TBC1D23: variants seen among roughly 807,000 people sequenced by gnomAD.
TBC1D23 encodes the protein HCV non-structural protein 4A-transactivated protein 1.
In TBC1D23, 55 loss-of-function variants were observed where a neutral mutation model predicts 91.4. The observed-to-expected ratio is 0.60, with a 90% confidence interval of 0.48 to 0.75. The LOEUF is 0.75. TBC1D23 is among the 30% of genes least tolerant of loss of function. The pLI is 0.00. For missense variants in TBC1D23, 725 were observed against 836.1 expected (o/e 0.87, Z 1.64); for synonymous variants, 289 against 281.0 (o/e 1.03, Z -0.28).
At chr3:100,262,232 C>A (rs2067517316) in intron 1 of TBC1D23, among the ~76,000 whole-genome samples, 1 of 151,958 alleles carries the variant, frequency 6.6e-6, no homozygotes, top group Non-Finnish European at 1.5e-5. Context: ...TAAAATTAAT[C>A]TTATTCTTTG....
At chr3:100,297,823 G>C in intron 8 of TBC1D23, 100 bp from the exon 9 acceptor site, 1 of 987,498 alleles carries the variant, frequency 1.0e-6, no homozygotes, top group Non-Finnish European at 1.5e-6. Context: ...CAACTCAAGA[G>C]TATTATAATT....
intron 9 of TBC1D23, 56 bp downstream of exon 9, chr3:100,298,101 C>G (rs1257520243): frequency 3.4e-6 from 5 of 1,490,210 alleles, no homozygotes; most frequent in Non-Finnish European, 4.6e-6. Context: ...TACAAGGAAC[C>G]AACTTCCTCC....
chr3:100,294,252 T>G (rs1276117360), intron 5 of TBC1D23, among the ~76,000 whole-genome samples: 1 of 151,844 alleles, frequency 6.6e-6, no homozygotes, highest in Non-Finnish European at 1.5e-5. Context: ...GTTATTTATT[T>G]TTTTTTGTGT....
intron 16 of TBC1D23, among the ~76,000 whole-genome samples, 189 bp downstream of exon 16, chr3:100,316,376 C>G (rs1404137264): frequency 1.3e-5 from 2 of 151,970 alleles, no homozygotes; most frequent in Non-Finnish European, 2.9e-5. Context: ...ATTAGAAATC[C>G]AAGCACCAAC....
intron 5 of TBC1D23, among the ~76,000 whole-genome samples, chr3:100,293,780 A>G (rs201395633): frequency 6.6e-6 from 1 of 152,196 alleles, no homozygotes; most frequent in East Asian, 1.9e-4. Flanking sequence ...GAGCTTGAGA[A>G]AGTAAAGTAA....
chr3:100,297,955 G>A lies in TBC1D23; in HGVS notation c.909G>A (p.Leu303=). 6.2e-7 allele frequency: 1 copy of A among 1,611,486 alleles called. No homozygotes were observed. The highest frequency in any genetic ancestry group is 8.5e-7 in the Non-Finnish European group (1 of 1,178,216). ...DNHHLFGSTL[L]GIKDDDADLS... is the part of the protein sequence containing the mutation. ...ACCATCTCTTTGGTAGTACTTTGTT[G>A]GGAATTAAGGATGATGATGCAGATC... The change falls in exon 9 of 19, where the codon TTG becomes TTA. Residue 303 remains leucine (L), a synonymous_variant. Transcript: ENST00000394144.
chr3:100,318,715 A>G (rs973098571), intron 16 of TBC1D23, among the ~76,000 whole-genome samples: 2 of 151,090 alleles, frequency 1.3e-5, no homozygotes, highest in Middle Eastern at 3.2e-3. Flanking sequence ...CAGTGGCGCA[A>G]TCTCAGCTCA....
chr3:100,310,354 T>C (rs1705604528), intron 13 of TBC1D23, 49 bp from the exon 14 acceptor site: 14 of 1,533,340 alleles, frequency 9.1e-6, no homozygotes, highest in Non-Finnish European at 1.2e-5. Context: ...AGCAGTAGTA[T>C]GTCTTTTAGT....
intron 4 of TBC1D23, 40 bp downstream of exon 4, chr3:100,283,851 T>G: frequency 7.4e-7 from 1 of 1,342,376 alleles, no homozygotes; most frequent in East Asian, 2.3e-5. Context: ...TAAAAGTGAA[T>G]ACAGGCCTGG....
At chr3:100,268,941 C>T (rs1019993828) in intron 1 of TBC1D23, among the ~76,000 whole-genome samples, 1 of 152,038 alleles carries the variant, frequency 6.6e-6, no homozygotes, top group Non-Finnish European at 1.5e-5. Flanking sequence ...TTATGAGAAA[C>T]GTTTTTTGTG....
intron 4 of TBC1D23, among the ~76,000 whole-genome samples, chr3:100,287,988 C>G (rs2067758992): frequency 6.6e-6 from 1 of 151,986 alleles, no homozygotes; most frequent in South Asian, 2.1e-4. Flanking sequence ...CACCTGTAAT[C>G]CCAGCCACTT....
At chr3:100,290,767 T>G (rs1052655303) in intron 5 of TBC1D23, 66 bp downstream of exon 5, 19 of 1,178,104 alleles carry the variant, frequency 1.6e-5, no homozygotes, top group East Asian at 1.4e-4. Flanking sequence ...GTTAGGTGGG[T>G]TTTTTTTTTC....
chr3:100,274,826 AAC>A (rs2067631629), intron 1 of TBC1D23, among the ~76,000 whole-genome samples: 1 of 148,274 alleles, frequency 6.7e-6, no homozygotes, highest in Admixed American at 6.8e-5. Flanking sequence ...TAAATTAATA[AAC>A]ATATATAATA....
At chr3:100,305,645 G>A (rs1705504750) in intron 12 of TBC1D23, among the ~76,000 whole-genome samples, 1 of 152,094 alleles carries the variant, frequency 6.6e-6, no homozygotes, top group Admixed American at 6.6e-5. Context: ...CTTTAATCAT[G>A]GGAGTTAGGC....
chr3:100,313,548 C>T (rs1705668466), intron 15 of TBC1D23, among the ~76,000 whole-genome samples: 1 of 152,104 alleles, frequency 6.6e-6, no homozygotes, highest in South Asian at 2.1e-4. Context: ...AAAAAATTTG[C>T]ATTGTATTAT....
intron 1 of TBC1D23, among the ~76,000 whole-genome samples, chr3:100,272,570 CACAGAG>C (rs1377846388): frequency 2.0e-5 from 3 of 152,080 alleles, no homozygotes; most frequent in South Asian, 4.1e-4. Context: ...AAGAAAAAGA[CACAGAG>C]ACAAAGTATA....
intron 13 of TBC1D23, among the ~76,000 whole-genome samples, chr3:100,309,106 G>A (rs184031316): frequency 1.6e-4 from 25 of 152,210 alleles, no homozygotes; most frequent in Non-Finnish European, 2.8e-4. Flanking sequence ...CCCAGGAGGC[G>A]GAGGTTGCAG....
chr3:100,284,467 G>C (rs1051643083), intron 4 of TBC1D23, among the ~76,000 whole-genome samples: 1 of 152,086 alleles, frequency 6.6e-6, no homozygotes, highest in African/African-American at 2.4e-5. Context: ...TTACCTTATT[G>C]AGCTTGGAAG....
At chr3:100,274,501 G>A (rs1413079807) in intron 1 of TBC1D23, among the ~76,000 whole-genome samples, 3 of 151,796 alleles carry the variant, frequency 2.0e-5, no homozygotes, top group African/African-American at 7.3e-5. Context: ...ACATTGTTGT[G>A]CATATAATCT....
Sources: allele counts gnomAD v4.1 joint callset (sites outside exome capture counted in the v4.1 genomes callset), GRCh38; gene constraint gnomAD v4.1.1; transcripts MANE v1.5; gene names NCBI Gene and HGNC (gene_info 2026-07-23, HGNC 2026-07-21).